WDR17: variants seen among roughly 807,000 people sequenced by gnomAD.
WDR17 encodes WD repeat-containing protein 17.
A neutral mutation model predicts 161.7 loss-of-function variants in WDR17; 143 were observed. The ratio of observed to expected loss-of-function variants is 0.88; its 90% CI spans 0.77 to 1.02. The LOEUF (loss-of-function observed/expected upper bound fraction) is 1.02. WDR17 is among the 50% of genes least tolerant of loss of function. The probability of loss-of-function intolerance (pLI) is 0.00; values close to 1 mark genes in which losing one functional copy is unlikely to be tolerated. For missense variants in WDR17, 1,469 were observed against 1,520.9 expected (o/e 0.97, Z 0.57); for synonymous variants, 517 against 515.6 (o/e 1.00, Z -0.04).
intron 19 of WDR17, among the ~76,000 whole-genome samples, chr4:176,160,689 G>A (rs1237698627): frequency 6.6e-6 from 1 of 152,182 alleles, no homozygotes; most frequent in African/African-American, 2.4e-5. Flanking sequence ...GCTGCTGAAT[G>A]TTATACACCA....
In WDR17 at chr4:176,160,120, T is replaced by C; in HGVS notation, c.2652T>C (p.Val884=). 1 of 1,613,538 alleles carries C rather than the reference T, an allele frequency of 6.2e-7. No individual in the cohort carries two copies. Among genetic ancestry groups the C allele is most frequent in the South Asian group, 1.1e-5 (1 of 91,016 alleles). The stretch of plus-strand genomic sequence containing the variant: ...GTCAGCTTAAAGAAGCTCTGCTTGT[T>C]GCACAGGTAAAACCACAGAACTACC... ...SRGQLKEALL[V]AQAACEGNMQ... The change falls in exon 19 of 29, where the codon GTT becomes GTC. Residue 884 remains valine, a synonymous_variant. Coordinates refer to ENST00000508596, the MANE Select transcript of WDR17 (RefSeq NM_181265.4).
At chr4:176,164,943 T>C (rs1413246256) in intron 22 of WDR17, among the ~76,000 whole-genome samples, 1 of 152,076 alleles carries the variant, frequency 6.6e-6, no homozygotes, top group Non-Finnish European at 1.5e-5. Flanking sequence ...TGAAGCCTAA[T>C]TGAAATTATT....
intron 16 of WDR17, among the ~76,000 whole-genome samples, chr4:176,151,157 A>T (rs1266973241): frequency 1.3e-5 from 2 of 152,218 alleles, no homozygotes; most frequent in Non-Finnish European, 2.9e-5. Flanking sequence ...AGTTTTTTCC[A>T]TGAAGAGGAA....
At chr4:176,096,687 G>C (rs913712674) in intron 1 of WDR17, 11 of 907,032 alleles carry the variant, frequency 1.2e-5, no homozygotes, top group African/African-American at 5.2e-5. Context: ...GGACATTTTC[G>C]CATTGCAAAG....
At chr4:176,106,141 C>T (rs991351361) in intron 1 of WDR17, among the ~76,000 whole-genome samples, 14 of 151,944 alleles carry the variant, frequency 9.2e-5, no homozygotes, top group African/African-American at 3.1e-4. Context: ...TCAAGAGACC[C>T]TGAATAACAA....
Position 176,147,456 on chromosome 4 carries a change from G to T in WDR17, c.1695-677G>T, listed in dbSNP as rs182575476. Among the ~76,000 whole-genome samples, 5 of 152,186 alleles carry T rather than the reference G, an allele frequency of 3.3e-5. No homozygotes were observed. In the East Asian group the frequency reaches 9.6e-4, roughly 29 times the overall value. On this transcript the variant is annotated intron_variant, in intron 12 of 28. Coordinates refer to ENST00000508596, the MANE Select transcript of WDR17 (RefSeq NM_181265.4). ...ATTTAAATTTTTTAACTTGATCTAA[G>T]ATTTATTCTACACTGACCAAGCAAC...
chr4:176,143,455 G>C (rs1380367396), intron 11 of WDR17, among the ~76,000 whole-genome samples: 1 of 150,752 alleles, frequency 6.6e-6, no homozygotes, highest in Non-Finnish European at 1.5e-5. Context: ...CTTGAGCTCA[G>C]GAGTTCAATA....
chr4:176,088,357 G>T (rs899616943), intron 1 of WDR17, among the ~76,000 whole-genome samples: 1 of 152,052 alleles, frequency 6.6e-6, no homozygotes, highest in African/African-American at 2.4e-5. Flanking sequence ...GACTGAAGTG[G>T]GAGGACTGCT....
rs190917655 is a variant in WDR17 at position 176,180,746 on chromosome 4, T to A, written c.*1167T>A. 6.6e-6 allele frequency: 1 copy of A among 152,316 alleles called. No homozygotes were observed. Among genetic ancestry groups the A allele is most frequent in the East Asian group, 1.9e-4 (1 of 5,184 alleles). The allele number at this position is 152,316 out of a possible 1,614,324, so 9.4% of individuals were successfully genotyped here. A position where few individuals can be genotyped will look rare whatever the true frequency, so the allele number is the denominator to read the frequency against. On this transcript the variant is annotated 3_prime_UTR_variant, in exon 29 of 29. Coordinates refer to ENST00000508596, the MANE Select transcript of WDR17 (RefSeq NM_181265.4). ...CCAACAAAAACCACAATTGATTTGA[T>A]GAAAATTAGTTTTAAGTAAATGTTT...
chr4:176,159,277 A>ACG (rs1554034596), intron 18 of WDR17, among the ~76,000 whole-genome samples: 4,586 of 137,220 alleles, frequency 0.033, 144 homozygotes, highest in African/African-American at 0.083. Context: ...ACACACATGC[A>ACG]CACACACACA....
intron 5 of WDR17, among the ~76,000 whole-genome samples, chr4:176,128,090 G>A (rs903150120): frequency 5.3e-5 from 8 of 152,064 alleles, no homozygotes; most frequent in Admixed American, 4.6e-4. Context: ...CCTTTTTGCT[G>A]ATATAGATAA....
chr4:176,173,222 G>A (rs1004616441), intron 24 of WDR17, 45 bp from the exon 25 acceptor site: 1 of 1,305,412 alleles, frequency 7.7e-7, no homozygotes, highest in Non-Finnish European at 1.1e-6. Context: ...AATAAATTTT[G>A]AGACTGTTAT....
chr4:176,150,724 C>A, intron 16 of WDR17, 131 bp downstream of exon 16: 2 of 875,788 alleles, frequency 2.3e-6, no homozygotes, highest in East Asian at 3.2e-5. Flanking sequence ...TGAGGAGATC[C>A]ATCTTGGGTA....
At chr4:176,154,523 C>T (rs1401640110) in intron 17 of WDR17, among the ~76,000 whole-genome samples, 1 of 151,964 alleles carries the variant, frequency 6.6e-6, no homozygotes, top group Non-Finnish European at 1.5e-5. Flanking sequence ...TCCATAGAAT[C>T]GTTTGTAATC....
chr4:176,115,635 T>C (rs1012827591), intron 2 of WDR17, among the ~76,000 whole-genome samples, 161 bp from the exon 3 acceptor site: 2 of 151,986 alleles, frequency 1.3e-5, no homozygotes, highest in African/African-American at 4.8e-5. Context: ...TATTCATGAA[T>C]ACACTTGAAT....
chr4:176,117,943 T>G (rs879060604), intron 3 of WDR17, among the ~76,000 whole-genome samples: 1 of 152,188 alleles, frequency 6.6e-6, no homozygotes, highest in African/African-American at 2.4e-5. Context: ...GAAATTTGCA[T>G]TAAGTGAACT....
chr4:176,138,334 A>C (rs1744732390), intron 9 of WDR17, among the ~76,000 whole-genome samples: 1 of 151,718 alleles, frequency 6.6e-6, no homozygotes, highest in Non-Finnish European at 1.5e-5. Flanking sequence ...AAAAACATTT[A>C]TACAGAGAGT....
intron 1 of WDR17, among the ~76,000 whole-genome samples, chr4:176,076,837 C>G (rs1734109240): frequency 6.6e-6 from 1 of 152,004 alleles, no homozygotes; most frequent in African/African-American, 2.4e-5. Context: ...TAGGTTTCTG[C>G]AGGCCCCAAA....
At chr4:176,155,983 T>C (rs1748064943) in intron 17 of WDR17, 96 bp from the exon 18 acceptor site, 2 of 1,078,456 alleles carry the variant, frequency 1.9e-6, no homozygotes, top group Admixed American at 2.4e-5. Context: ...ATAAAAATAC[T>C]ATATTATAAA....
Sources: gnomAD v4.1 joint callset for allele counts (sites outside exome capture counted in the v4.1 genomes callset) on GRCh38, gnomAD v4.1.1 for gene constraint, MANE v1.5 for transcripts, NCBI Gene and HGNC (gene_info 2026-07-23, HGNC 2026-07-21) for gene names.